SCMH1: variants seen among roughly 807,000 people sequenced by gnomAD.
SCMH1 encodes Scm polycomb group protein homolog 1, also known as polycomb protein SCMH1.
In SCMH1, 37 loss-of-function variants were observed where a neutral mutation model predicts 70.8. The observed-to-expected ratio is 0.52, with a 90% confidence interval of 0.40 to 0.69. The LOEUF (loss-of-function observed/expected upper bound fraction) is 0.69, where lower values mean the gene tolerates loss of function less well. Ranked by LOEUF, SCMH1 falls within the 30% of genes least tolerant of loss-of-function variation. SCMH1 has a pLI of 0.00. For missense variants in SCMH1, 607 were observed against 827.3 expected, an observed-to-expected ratio of 0.73 and a Z score of 3.27; for synonymous variants, 292 against 307.4, an observed-to-expected ratio of 0.95 and a Z score of 0.52.
At chr1:41,220,423 G>A (rs556207094) in intron 1 of SCMH1, among the ~76,000 whole-genome samples, 3 of 152,292 alleles carry the variant, frequency 2.0e-5, no homozygotes, top group African/African-American at 7.2e-5. Flanking sequence ...ACATTTTACA[G>A]CCAACATATT....
chr1:41,052,333 C>A (rs1376667138), intron 10 of SCMH1, among the ~76,000 whole-genome samples: 1 of 152,256 alleles, frequency 6.6e-6, no homozygotes, highest in Non-Finnish European at 1.5e-5. Context: ...TAAATCCTCA[C>A]AGGAGCATGA....
At chr1:41,134,202 A>G (rs570526131) in intron 6 of SCMH1, among the ~76,000 whole-genome samples, 15 of 152,328 alleles carry the variant, frequency 9.8e-5, no homozygotes, top group African/African-American at 3.6e-4. Flanking sequence ...ATCTTAATAG[A>G]TGCAGAAAAG....
intron 1 of SCMH1, among the ~76,000 whole-genome samples, chr1:41,234,726 G>A (rs1311055390): frequency 1.3e-5 from 2 of 151,556 alleles, no homozygotes; most frequent in African/African-American, 4.9e-5. Flanking sequence ...AGCCCACCTC[G>A]GCCTCCCAAA....
At chr1:41,124,514 T>C (rs924844850) in intron 6 of SCMH1, among the ~76,000 whole-genome samples, 33 of 60,638 alleles carry the variant, frequency 5.4e-4, no homozygotes, top group African/African-American at 5.0e-3. Flanking sequence ...TTGAAGAGTC[T>C]GGATTGTTTT....
At chr1:41,052,152 A>G (rs1231956644) in intron 10 of SCMH1, among the ~76,000 whole-genome samples, 2 of 152,208 alleles carry the variant, frequency 1.3e-5, no homozygotes, top group Non-Finnish European at 2.9e-5. Context: ...AATGGGCTAT[A>G]CCATCTAGGT....
At chr1:41,210,869 G>C (rs1197684457) in intron 1 of SCMH1, among the ~76,000 whole-genome samples, 2 of 151,646 alleles carry the variant, frequency 1.3e-5, no homozygotes, top group African/African-American at 4.8e-5. Flanking sequence ...GAGTGCAATG[G>C]CATGATCTCG....
At chr1:41,182,227 A>G (rs1648993616) in intron 2 of SCMH1, among the ~76,000 whole-genome samples, 2 of 152,212 alleles carry the variant, frequency 1.3e-5, no homozygotes, top group Non-Finnish European at 2.9e-5. Flanking sequence ...GAGGGATAGC[A>G]TTAGGAGATA....
chr1:41,058,118 CA>C (rs201623540), intron 10 of SCMH1, among the ~76,000 whole-genome samples: 2,772 of 54,828 alleles, frequency 0.051, 58 homozygotes, highest in East Asian at 0.23. Flanking sequence ...GAGATTGTCT[CA>C]AAAAAAAAAA....
chr1:41,082,959 T>C (rs1477210947), intron 8 of SCMH1, among the ~76,000 whole-genome samples: 1 of 152,194 alleles, frequency 6.6e-6, no homozygotes, highest in East Asian at 1.9e-4. Context: ...AAATTAGGTA[T>C]TGATGGGACA....
At chr1:41,157,744 A>T (rs897202433) in intron 4 of SCMH1, among the ~76,000 whole-genome samples, 3 of 152,206 alleles carry the variant, frequency 2.0e-5, no homozygotes, top group African/African-American at 7.2e-5. Context: ...CTCAGTGACT[A>T]AAGCTCAGCA....
chr1:41,164,452 A>AG (rs59956988), intron 2 of SCMH1, among the ~76,000 whole-genome samples: 129,318 of 152,074 alleles, frequency 0.85, 55,490 homozygotes, highest in East Asian at 0.97. Flanking sequence ...ACTTTAATTC[A>AG]GATTCATTGA....
rs1347850775 is a variant in SCMH1, at chr1:41,113,070, T to C, written c.745+213A>G. ...TGTAGAGCAAAGAATTATTACTTTA[T>C]CCCAAATGCCATATGCGGTTTCATT... On this transcript the variant is annotated intron_variant, in intron 8 of 14. Coordinates refer to ENST00000337495, the Ensembl canonical transcript of SCMH1. This position sits in a 1 kb window ranked among gnomAD's most constrained non-coding sequence, Gnocchi z 4.3. 7.2e-5 allele frequency among the ~76,000 whole-genome samples: 11 copies of C among 152,216 alleles called. No individual in the cohort carries two copies. The highest frequency in any genetic ancestry group is 2.7e-4 in the African/African-American group (11 of 41,452).
intron 8 of SCMH1, among the ~76,000 whole-genome samples, chr1:41,093,904 A>G (rs1409492247): frequency 2.0e-5 from 3 of 152,202 alleles, no homozygotes; most frequent in African/African-American, 7.2e-5. Context: ...TGTTTTCTCT[A>G]AAGTGACAGG....
At chr1:41,077,042 C>G (rs1012316077) in intron 8 of SCMH1, among the ~76,000 whole-genome samples, 1 of 151,950 alleles carries the variant, frequency 6.6e-6, no homozygotes, top group Non-Finnish European at 1.5e-5. Context: ...ATAATACTTC[C>G]TAGGCCTCCA....
intron 10 of SCMH1, among the ~76,000 whole-genome samples, chr1:41,061,180 C>A (rs1011543505): frequency 6.7e-6 from 1 of 150,314 alleles, no homozygotes; most frequent in Non-Finnish European, 1.5e-5. Flanking sequence ...ACGATAATAG[C>A]CCTTCCCCAA....
chr1:41,156,929 G>A (rs1189008431), intron 4 of SCMH1, among the ~76,000 whole-genome samples: 2 of 150,476 alleles, frequency 1.3e-5, no homozygotes, highest in African/African-American at 4.9e-5. Flanking sequence ...CTCCCAAAGT[G>A]CTGGGATTAC....
intron 1 of SCMH1, among the ~76,000 whole-genome samples, chr1:41,229,783 C>T (rs1341589508): frequency 2.0e-5 from 3 of 152,002 alleles, no homozygotes; most frequent in African/African-American, 7.3e-5. Flanking sequence ...CTCATGTCCT[C>T]ATGGAACTTA....
At chr1:41,232,345 A>C (rs977140730) in intron 1 of SCMH1, among the ~76,000 whole-genome samples, 9 of 152,246 alleles carry the variant, frequency 5.9e-5, no homozygotes, top group African/African-American at 2.2e-4. Flanking sequence ...TAAAAAATAA[A>C]TATGACTTTG....
At chr1:41,207,243 G>T (rs1201140223) in intron 1 of SCMH1, among the ~76,000 whole-genome samples, 2 of 152,128 alleles carry the variant, frequency 1.3e-5, no homozygotes, top group African/African-American at 4.8e-5. Flanking sequence ...ACACAGACTG[G>T]CAAATTGGAT....
Sources: gnomAD v4.1 joint callset for allele counts (sites outside exome capture counted in the v4.1 genomes callset) on GRCh38, gnomAD v4.1.1 for gene constraint, Gnocchi (gnomAD v3.1) non-coding constraint, MANE v1.5 for transcripts, NCBI Gene and HGNC (gene_info 2026-07-23, HGNC 2026-07-21) for gene names.